TLK2: variants seen among roughly 807,000 people sequenced by gnomAD.
The protein encoded by TLK2 is tousled like kinase 2, also known as serine/threonine-protein kinase tousled-like 2.
TLK2 carries 6 observed loss-of-function variants against 117.3 expected under a neutral mutation model. The ratio of observed to expected loss-of-function variants is 0.05; its 90% CI spans 0.03 to 0.10. The LOEUF (loss-of-function observed/expected upper bound fraction) is 0.10, where lower values mean the gene tolerates loss of function less well. Ranked by LOEUF, TLK2 falls within the 10% of genes least tolerant of loss-of-function variation. TLK2 has a pLI of 1.00. For missense variants in TLK2, 299 were observed against 901.2 expected, an observed-to-expected ratio of 0.33 and a Z score of 8.56; for synonymous variants, 257 against 316.7, an observed-to-expected ratio of 0.81 and a Z score of 2.00.
chr17:62,598,421 T>C (rs1305804336), intron 17 of TLK2, among the ~76,000 whole-genome samples: 1 of 152,214 alleles, frequency 6.6e-6, no homozygotes, highest in Non-Finnish European at 1.5e-5. Context: ...TGATGAATTT[T>C]CACCAAAAAT....
At chr17:62,560,934 G>A (rs1435330958) in intron 10 of TLK2, among the ~76,000 whole-genome samples, 3 of 151,890 alleles carry the variant, frequency 2.0e-5, no homozygotes, top group Non-Finnish European at 2.9e-5. Flanking sequence ...CCATCAACTC[G>A]TCATTTAACG....
chr17:62,588,294 G>A (rs545036617), intron 16 of TLK2, among the ~76,000 whole-genome samples: 26 of 152,262 alleles, frequency 1.7e-4, no homozygotes, highest in Admixed American at 1.1e-3. Context: ...GCAGGTGGGC[G>A]TTCTGCCCAT....
intron 6 of TLK2, among the ~76,000 whole-genome samples, chr17:62,528,283 A>G (rs531239366): frequency 3.9e-5 from 6 of 152,344 alleles, no homozygotes; most frequent in Admixed American, 2.6e-4. Flanking sequence ...CCTATAAAAG[A>G]TTATTTTGTA....
intron 6 of TLK2, among the ~76,000 whole-genome samples, chr17:62,526,024 A>G (rs1384365224): frequency 6.6e-6 from 1 of 152,136 alleles, no homozygotes; most frequent in Non-Finnish European, 1.5e-5. Flanking sequence ...CCCATCTCTC[A>G]TGTGTCAGTT....
chr17:62,521,141 C>T (rs552208487), intron 3 of TLK2, among the ~76,000 whole-genome samples: 1 of 152,256 alleles, frequency 6.6e-6, no homozygotes, highest in Admixed American at 6.5e-5. Flanking sequence ...TCCTGGGCGA[C>T]AGAGTGAGAC....
At chr17:62,499,817 C>CTCTA (rs1384379570) in intron 2 of TLK2, among the ~76,000 whole-genome samples, 1 of 150,516 alleles carries the variant, frequency 6.6e-6, no homozygotes, top group African/African-American at 2.5e-5. Flanking sequence ...TGCAATTGCA[C>CTCTA]TCTAGCCTGG....
At chr17:62,535,754 A>G (rs556928336) in intron 6 of TLK2, among the ~76,000 whole-genome samples, 1 of 152,130 alleles carries the variant, frequency 6.6e-6, no homozygotes, top group Admixed American at 6.5e-5. Context: ...AGCCTGGGCA[A>G]CAAGAATGAA....
At chr17:62,516,670 G>C in intron 2 of TLK2, 2 of 1,609,560 alleles carry the variant, frequency 1.2e-6, no homozygotes, top group Non-Finnish European at 1.7e-6. Flanking sequence ...TGCCAGCTCC[G>C]GGTGCTTAGG....
chr17:62,606,008 A>C (rs1450673487), intron 19 of TLK2, 122 bp from the exon 20 acceptor site: 61 of 32,426 alleles, frequency 1.9e-3, no homozygotes, highest in Admixed American at 8.1e-3. Context: ...CCTGTCTCCA[A>C]AAAAAAAAAA....
intron 2 of TLK2, among the ~76,000 whole-genome samples, chr17:62,498,404 T>A (rs565550621): frequency 1.3e-5 from 2 of 152,084 alleles, no homozygotes; most frequent in East Asian, 3.9e-4. Flanking sequence ...TTTTTTTTTT[T>A]TTTGAGACAA....
intron 2 of TLK2, among the ~76,000 whole-genome samples, chr17:62,499,030 A>T (rs953283566): frequency 1.3e-4 from 20 of 151,690 alleles, no homozygotes; most frequent in African/African-American, 4.8e-4. Flanking sequence ...TCCCCAGCTA[A>T]TTTTTGTATT....
chr17:62,593,413 T>A (rs1318889382), intron 16 of TLK2, among the ~76,000 whole-genome samples: 2 of 152,240 alleles, frequency 1.3e-5, no homozygotes, highest in African/African-American at 2.4e-5. Flanking sequence ...CTGCCTTTTT[T>A]TAACCTTTTT....
chr17:62,609,194 C>T (rs2083541551), intron 21 of TLK2, among the ~76,000 whole-genome samples: 1 of 152,140 alleles, frequency 6.6e-6, no homozygotes, highest in South Asian at 2.1e-4. Context: ...GTGATCCTCC[C>T]ACCTCTGCCT....
intron 7 of TLK2, among the ~76,000 whole-genome samples, chr17:62,542,422 T>C (rs1567883594): frequency 6.6e-6 from 1 of 151,388 alleles, no homozygotes; most frequent in Admixed American, 6.6e-5. Context: ...TAATCAACTT[T>C]AAGTAAGATC....
chr17:62,582,879 C>T (rs1014493150), intron 15 of TLK2, among the ~76,000 whole-genome samples: 2 of 152,138 alleles, frequency 1.3e-5, no homozygotes, highest in African/African-American at 4.8e-5. Context: ...TGGACTCATA[C>T]TACGTCTTTT....
chr17:62,557,427 T>G (rs950797860), intron 9 of TLK2, among the ~76,000 whole-genome samples: 1 of 152,204 alleles, frequency 6.6e-6, no homozygotes. Flanking sequence ...AAGCTGATTT[T>G]CTGTATTCCT....
intron 10 of TLK2, among the ~76,000 whole-genome samples, chr17:62,562,390 C>T (rs2079361946): frequency 6.6e-6 from 1 of 152,082 alleles, no homozygotes; most frequent in Non-Finnish European, 1.5e-5. Context: ...AAAATGCAAT[C>T]ATAGAGTGCA....
At chr17:62,548,244 G>A (rs1196728957) in intron 7 of TLK2, among the ~76,000 whole-genome samples, 277 of 136,406 alleles carry the variant, frequency 2.0e-3, no homozygotes, top group African/African-American at 7.8e-3. Flanking sequence ...ATATATATGT[G>A]TGTGTGTGTG....
chr17:62,512,804 A>G (rs1433095495), intron 2 of TLK2, among the ~76,000 whole-genome samples: 1 of 150,454 alleles, frequency 6.6e-6, no homozygotes, highest in African/African-American at 2.4e-5. Context: ...TAACAGTTTT[A>G]TGTTTTACAT....
Sources: allele counts gnomAD v4.1 joint callset (sites outside exome capture counted in the v4.1 genomes callset), GRCh38; gene constraint gnomAD v4.1.1; transcripts MANE v1.5; gene names NCBI Gene and HGNC (gene_info 2026-07-23, HGNC 2026-07-21).